Variants in CCDC169 observed in about 807,000 individuals in gnomAD.
CCDC169 encodes coiled-coil domain-containing protein 169.
A neutral mutation model predicts 36.0 loss-of-function variants in CCDC169; 30 were observed. That is an observed-to-expected ratio of 0.83 (90% CI 0.62 to 1.13). CCDC169 has a LOEUF of 1.13. Among genes scored for constraint, CCDC169 ranks in the 50% most tolerant of loss-of-function variants. The pLI is 0.00. For missense variants in CCDC169, 245 were observed against 245.9 expected (o/e 1.00, Z 0.03); for synonymous variants, 85 against 81.5 (o/e 1.04, Z -0.23).
chr13:36,294,807 G>C lies in CCDC169; in HGVS notation c.163+971C>G, dbSNP rs143064459. Among the ~76,000 whole-genome samples, 988 of 152,168 alleles carry C rather than the reference G, an allele frequency of 6.5e-3. 14 individuals are homozygous for C. The highest frequency in any genetic ancestry group is 0.023 in the African/African-American group (943 of 41,518). On this transcript the variant is annotated intron_variant, in intron 2 of 7. Transcript: ENST00000239859. ...TGGGGGCTCCATGCACCAGTAATTAGAACAGAACAGAACAGGACAGGGATT... is the reference window on the plus strand; with the variant it reads ...TGGGGGCTCCATGCACCAGTAATTACAACAGAACAGAACAGGACAGGGATT...
intron 7 of CCDC169, among the ~76,000 whole-genome samples, chr13:36,237,580 CA>C (rs1429067659): frequency 6.6e-6 from 1 of 152,024 alleles, no homozygotes; most frequent in East Asian, 1.9e-4. Flanking sequence ...GTGGCATATC[CA>C]AAAACTGGAA....
intron 7 of CCDC169, among the ~76,000 whole-genome samples, chr13:36,233,637 T>C (rs1214237286): frequency 6.6e-6 from 1 of 152,064 alleles, no homozygotes; most frequent in Non-Finnish European, 1.5e-5. Flanking sequence ...AAATAGGCAT[T>C]CTGGAGTTGA....
intron 4 of CCDC169, among the ~76,000 whole-genome samples, chr13:36,271,529 A>G (rs1876061316): frequency 6.6e-6 from 1 of 152,190 alleles, no homozygotes; most frequent in African/African-American, 2.4e-5. Flanking sequence ...GCTAACAAGT[A>G]GATAAAGAAA....
At chr13:36,253,887 A>T in intron 5 of CCDC169, 31 bp from the exon 6 acceptor site, 1 of 1,548,538 alleles carries the variant, frequency 6.5e-7, no homozygotes, top group Middle Eastern at 1.7e-4. Flanking sequence ...AAAGGGTCCA[A>T]CATATGAGAA....
chr13:36,254,097 G>A lies in CCDC169; in HGVS notation c.362C>T (p.Thr121Ile), dbSNP rs1175842115. Residue 121 changes from threonine (T) to isoleucine (I), a missense_variant, in exon 5 of 8, where the codon ACT (threonine) becomes ATT (isoleucine). Physicochemically the swap from Thr to Ile is moderately conservative, Grantham distance 89. Transcript: ENST00000239859. ...LLKQLEEEKK[T>I]LESQVKYYAL... ...ATAGTATTTCACTTGACTTTCAAGAGTCTTCTTTTCTTCTTCTAGCTGTTT... is the reference window on the plus strand; with the variant it reads ...ATAGTATTTCACTTGACTTTCAAGAATCTTCTTTTCTTCTTCTAGCTGTTT... The A allele has an allele frequency of 5.8e-6, 9 of 1,547,704 alleles. No homozygotes were observed. Among genetic ancestry groups the A allele is most frequent in the African/African-American group, 1.4e-5 (1 of 72,894 alleles).
chr13:36,275,604 T>C (rs1255023301), intron 4 of CCDC169, among the ~76,000 whole-genome samples: 2 of 152,180 alleles, frequency 1.3e-5, no homozygotes, highest in Non-Finnish European at 2.9e-5. Context: ...AGTGCTCTAG[T>C]GTCACTAATT....
chr13:36,228,223 C>G (rs7997336), downstream of CCDC169, among the ~76,000 whole-genome samples: 2 of 151,856 alleles, frequency 1.3e-5, no homozygotes, highest in Non-Finnish European at 2.9e-5. Context: ...CTATGTTTAA[C>G]CTTTTGAGGA....
chr13:36,284,019 A>G (rs1429336955), intron 2 of CCDC169, among the ~76,000 whole-genome samples: 4 of 152,192 alleles, frequency 2.6e-5, no homozygotes, highest in East Asian at 1.9e-4. Context: ...ATTAGAGGGA[A>G]TATCAGGACA....
At chr13:36,239,219 C>CTGT (rs1871446832) in intron 7 of CCDC169, among the ~76,000 whole-genome samples, 1 of 145,660 alleles carries the variant, frequency 6.9e-6, no homozygotes, top group African/African-American at 2.6e-5. Context: ...GCTGGGGCAA[C>CTGT]AGCACAAGAC....
At chr13:36,281,179 A>G (rs1877483027) in intron 4 of CCDC169, 1 of 402,416 alleles carries the variant, frequency 2.5e-6, no homozygotes, top group Admixed American at 3.3e-5. Flanking sequence ...TGGATGGCAG[A>G]GTAGAAACTT....
downstream of CCDC169, chr13:36,227,175 G>A: frequency 7.3e-7 from 1 of 1,371,372 alleles, no homozygotes; most frequent in Non-Finnish European, 9.9e-7. Context: ...TCCTGGGGGT[G>A]GTGCACATGT....
intron 2 of CCDC169, among the ~76,000 whole-genome samples, chr13:36,293,236 C>T (rs576742222): frequency 2.6e-4 from 40 of 152,264 alleles, no homozygotes; most frequent in Non-Finnish European, 5.0e-4. Context: ...TCAGGATAAA[C>T]GTAAATTCAT....
chr13:36,294,421 G>C (rs936472605), intron 2 of CCDC169, among the ~76,000 whole-genome samples: 1 of 152,168 alleles, frequency 6.6e-6, no homozygotes, highest in African/African-American at 2.4e-5. Flanking sequence ...TATAGATATG[G>C]AGATAGAGGA....
chr13:36,294,801 TA>T (rs1462515827), intron 2 of CCDC169, among the ~76,000 whole-genome samples: 1 of 152,092 alleles, frequency 6.6e-6, no homozygotes, highest in Non-Finnish European at 1.5e-5. Flanking sequence ...CATGCACCAG[TA>T]ATTAGAACAG....
At chr13:36,264,784 C>T (rs9565992) in intron 4 of CCDC169, among the ~76,000 whole-genome samples, 38,725 of 152,052 alleles carry the variant, frequency 0.25, 5,214 homozygotes, top group East Asian at 0.49. Flanking sequence ...TGAAGCACCT[C>T]TTATGTGTCA....
intron 7 of CCDC169, among the ~76,000 whole-genome samples, chr13:36,246,476 C>G (rs759195319): frequency 6.6e-6 from 1 of 152,114 alleles, no homozygotes; most frequent in South Asian, 2.1e-4. Context: ...AAGAGTAAGA[C>G]CCTAAATCCT....
rs56789663 is a variant in CCDC169, at chr13:36,257,160, T to G, written c.316-3017A>C. Among the ~76,000 whole-genome samples, 798 of 152,266 alleles carry G rather than the reference T, an allele frequency of 5.2e-3. 6 individuals carry two copies. The highest frequency in any genetic ancestry group is 0.018 in the African/African-American group (765 of 41,564). ...GAAAACTGTGTTCTTGATTTGGCTG[T>G]ACAAATAGAAAGTGACATTACTTAT... On this transcript the variant is annotated intron_variant, in intron 4 of 7. Coordinates refer to ENST00000239859, the MANE Select transcript of CCDC169 (RefSeq NM_001144981.3).
chr13:36,274,997 C>T (rs1040335808), intron 4 of CCDC169, among the ~76,000 whole-genome samples: 6 of 151,720 alleles, frequency 4.0e-5, no homozygotes, highest in Non-Finnish European at 1.5e-5. Flanking sequence ...GCCTCCCGAG[C>T]AGCTGGGACT....
chr13:36,283,311 A>C, intron 4 of CCDC169, 158 bp downstream of exon 4: 1 of 681,742 alleles, frequency 1.5e-6, no homozygotes, highest in South Asian at 1.9e-5. Flanking sequence ...ACCTATAGCT[A>C]CTCAAAAATT....
Sources: allele counts gnomAD v4.1 joint callset (sites outside exome capture counted in the v4.1 genomes callset), GRCh38; gene constraint gnomAD v4.1.1; transcripts MANE v1.5; gene names NCBI Gene and HGNC (gene_info 2026-07-23, HGNC 2026-07-21).